The following RAB27B variants were observed in gnomAD, a reference collection of about 807,000 sequenced individuals.
The protein encoded by RAB27B is ras-related protein Rab-27B.
RAB27B carries 15 observed loss-of-function variants against 24.6 expected under a neutral mutation model. That is an observed-to-expected ratio of 0.61 (90% CI 0.41 to 0.94). The LOEUF (loss-of-function observed/expected upper bound fraction) is 0.94, where lower values mean the gene tolerates loss of function less well. Among genes scored for constraint, RAB27B ranks in the 40% least tolerant of loss-of-function variants. The pLI is 0.00. For missense variants in RAB27B, 261 were observed against 266.8 expected, an observed-to-expected ratio of 0.98 and a Z score of 0.15; for synonymous variants, 105 against 92.5, an observed-to-expected ratio of 1.14 and a Z score of -0.78.
chr18:54,725,434 A>G (rs1402327159), intron 2 of RAB27B, among the ~76,000 whole-genome samples: 1 of 151,584 alleles, frequency 6.6e-6, no homozygotes, highest in Admixed American at 6.6e-5. Context: ...AATTCCATGT[A>G]AAAACTTAAT....
intron 2 of RAB27B, among the ~76,000 whole-genome samples, chr18:54,801,226 G>A (rs1052075870): frequency 6.6e-5 from 10 of 151,668 alleles, no homozygotes; most frequent in African/African-American, 2.2e-4. Flanking sequence ...TGTTGGCCAG[G>A]CTAGTTGCAA....
At chr18:54,794,896 G>A (rs1223305604) in intron 2 of RAB27B, among the ~76,000 whole-genome samples, 2 of 149,816 alleles carry the variant, frequency 1.3e-5, no homozygotes, top group African/African-American at 4.9e-5. Context: ...AAATGAAGTT[G>A]TCCTCTAAAT....
intron 1 of RAB27B, among the ~76,000 whole-genome samples, chr18:54,860,020 A>G (rs1029612912): frequency 2.6e-5 from 4 of 152,204 alleles, no homozygotes; most frequent in African/African-American, 9.6e-5. Context: ...GGTGACTTCA[A>G]TTAGGCTAGT....
At chr18:54,836,578 G>A (rs1428607629) in intron 1 of RAB27B, among the ~76,000 whole-genome samples, 2 of 151,890 alleles carry the variant, frequency 1.3e-5, no homozygotes, top group Non-Finnish European at 2.9e-5. Context: ...AATAGAAAAG[G>A]AACAATTAAA....
intron 2 of RAB27B, among the ~76,000 whole-genome samples, chr18:54,756,627 A>C (rs1356521020): frequency 1.3e-5 from 2 of 152,028 alleles, no homozygotes; most frequent in African/African-American, 4.8e-5. Flanking sequence ...CTGGACTTGG[A>C]TGTATTTATG....
At chr18:54,754,148 G>C (rs992703324) in intron 2 of RAB27B, among the ~76,000 whole-genome samples, 1 of 146,852 alleles carries the variant, frequency 6.8e-6, no homozygotes, top group Admixed American at 6.8e-5. Context: ...TGATTGCATC[G>C]TAAGGGCAAT....
intron 2 of RAB27B, among the ~76,000 whole-genome samples, chr18:54,757,010 G>A (rs1031042312): frequency 5.3e-5 from 8 of 152,104 alleles, no homozygotes; most frequent in South Asian, 2.1e-4. Flanking sequence ...TGCAATGATC[G>A]CTAGAGGTCT....
chr18:54,768,037 A>G (rs536753041), intron 2 of RAB27B, among the ~76,000 whole-genome samples: 1 of 152,286 alleles, frequency 6.6e-6, no homozygotes, highest in Admixed American at 6.5e-5. Flanking sequence ...GGGGAAAGCA[A>G]TAATTACAGT....
intron 2 of RAB27B, among the ~76,000 whole-genome samples, chr18:54,726,839 G>A (rs116885581): frequency 0.03 from 4,319 of 144,280 alleles, 207 homozygotes; most frequent in Non-Finnish European, 0.045. Flanking sequence ...TATCTATTTC[G>A]TAAACAATCT....
intron 2 of RAB27B, among the ~76,000 whole-genome samples, chr18:54,786,958 T>C (rs147472428): frequency 1.3e-5 from 2 of 152,386 alleles, no homozygotes; most frequent in Non-Finnish European, 2.9e-5. Context: ...GTTTTGCCTG[T>C]ATGCATCAAT....
In RAB27B at chr18:54,889,455, T is replaced by C. The variant is rs376743099; in HGVS notation, c.*42T>C. 1 of 1,529,944 alleles carries C rather than the reference T, an allele frequency of 6.5e-7. No individual in the cohort carries two copies. Among genetic ancestry groups the C allele is most frequent in the African/African-American group, 1.4e-5 (1 of 71,348 alleles). 94.8% of individuals were successfully genotyped at this position (1,529,944 alleles called of 1,614,324 possible). On this transcript the variant is annotated 3_prime_UTR_variant, in exon 6 of 6. Transcript: ENST00000262094. ...GAACATCAAGAACCCCACCAAAATA[T>C]TACTTTTAAAAACAATGACAAACCA...
At chr18:54,821,116 T>C (rs1910296369) in intron 2 of RAB27B, among the ~76,000 whole-genome samples, 1 of 152,192 alleles carries the variant, frequency 6.6e-6, no homozygotes, top group East Asian at 1.9e-4. Context: ...GCAGACGACA[T>C]GATTGTATAT....
chr18:54,861,787 C>G (rs1252929656), intron 1 of RAB27B, among the ~76,000 whole-genome samples: 1 of 152,064 alleles, frequency 6.6e-6, no homozygotes, highest in Non-Finnish European at 1.5e-5. Context: ...TTTAAAGCAG[C>G]CAAGTTTGAG....
chr18:54,847,694 GA>G (rs995141543), intron 1 of RAB27B, among the ~76,000 whole-genome samples: 1 of 152,014 alleles, frequency 6.6e-6, no homozygotes, highest in Admixed American at 6.6e-5. Context: ...CAAACGTTCA[GA>G]AAAAAACAGA....
chr18:54,781,061 G>C (rs1254967128), intron 2 of RAB27B, among the ~76,000 whole-genome samples: 2 of 152,140 alleles, frequency 1.3e-5, no homozygotes, highest in African/African-American at 4.8e-5. Flanking sequence ...AGGCTAAGCT[G>C]GTTTCACCTT....
intron 2 of RAB27B, among the ~76,000 whole-genome samples, chr18:54,818,582 G>C (rs969679077): frequency 6.6e-6 from 1 of 152,080 alleles, no homozygotes; most frequent in Non-Finnish European, 1.5e-5. Flanking sequence ...CATGTGGTTA[G>C]TATGCCTCCA....
chr18:54,850,049 T>C (rs765016596), intron 1 of RAB27B, among the ~76,000 whole-genome samples: 3 of 151,738 alleles, frequency 2.0e-5, no homozygotes, highest in Admixed American at 1.3e-4. Flanking sequence ...TACAAAACCA[T>C]GTTTTGTATT....
rs1332849543 is a variant in RAB27B, at chr18:54,780,965, CA to C, written c.-20+62826del. Among the ~76,000 whole-genome samples the C allele has an allele frequency of 3.0e-3, 464 of 152,278 alleles. 6 individuals are homozygous for C. The highest frequency in any genetic ancestry group is 0.028 in the South Asian group (135 of 4,826). On this transcript the variant is annotated intron_variant, in intron 2 of 4. Transcript: ENST00000586570. ...CTTATATTCACACCCATGGTTATACCAATGCCTGCGGGTCTGGGAGAAGTAC... is the reference window on the plus strand; with the variant it reads ...CTTATATTCACACCCATGGTTATACCATGCCTGCGGGTCTGGGAGAAGTAC...
chr18:54,787,010 A>T (rs929057246), intron 2 of RAB27B, among the ~76,000 whole-genome samples: 2 of 152,234 alleles, frequency 1.3e-5, no homozygotes, highest in Admixed American at 1.3e-4. Flanking sequence ...TCCTTAATTC[A>T]TCATGACCAA....
Sources: gnomAD v4.1 joint callset for allele counts (sites outside exome capture counted in the v4.1 genomes callset) on GRCh38, gnomAD v4.1.1 for gene constraint, MANE v1.5 for transcripts, NCBI Gene and HGNC (gene_info 2026-07-23, HGNC 2026-07-21) for gene names.